Variants in MFGE8 observed in about 807,000 individuals in gnomAD.
MFGE8 encodes lactadherin.
A neutral mutation model predicts 42.6 loss-of-function variants in MFGE8; 34 were observed. That is an observed-to-expected ratio of 0.80 (90% CI 0.61 to 1.06). The LOEUF is 1.06. Among genes scored for constraint, MFGE8 ranks in the 50% least tolerant of loss-of-function variants. MFGE8 has a pLI of 0.00. For synonymous variants in MFGE8, 230 were observed against 214.8 expected (o/e 1.07, Z -0.62); for missense variants, 510 against 516.9 (o/e 0.99, Z 0.13).
In MFGE8 at chr15:88,903,372, T is replaced by C. The variant is rs1898519484; in HGVS notation, c.686-1637A>G. 1 of 151,608 alleles carries C rather than the reference T, an allele frequency of 6.6e-6. No homozygotes were observed. Among genetic ancestry groups the C allele is most frequent in the African/African-American group, 2.4e-5 (1 of 41,140 alleles). 9.4% of individuals were successfully genotyped at this position (151,608 alleles called of 1,614,324 possible). A position where few individuals can be genotyped will look rare whatever the true frequency, so the allele number is the denominator to read the frequency against. ...CAGTCTCCCCATCTATAAAATGAGA[T>C]ACTAGGGGAGTAATTCTCACAGATC... On this transcript the variant is annotated intron_variant, in intron 5 of 7. Transcript: ENST00000268150. The surrounding 1 kb of genome is among the most constrained non-coding windows in gnomAD (Gnocchi z 4.9).
intron 6 of MFGE8, chr15:88,900,738 TC>T (rs1411748917): frequency 1.9e-5 from 19 of 985,314 alleles, no homozygotes; most frequent in Non-Finnish European, 3.6e-6. Context: ...GCTCCGGTTT[TC>T]CATGGCTCTC....
chr15:88,905,608 C>T lies in MFGE8; in HGVS notation c.685+149G>A. 1 of 1,046,738 alleles carries T rather than the reference C, an allele frequency of 9.6e-7. No homozygotes were observed. Among genetic ancestry groups the T allele is most frequent in the East Asian group, 2.6e-5 (1 of 39,106 alleles). 64.8% of individuals were successfully genotyped at this position (1,046,738 alleles called of 1,614,324 possible). ...GTGGGGCTGCTATGGCCAGGTGACCCCCTAGAGTGCGTTGCCCGAGTGAAG... is the reference window on the plus strand; with the variant it reads ...GTGGGGCTGCTATGGCCAGGTGACCTCCTAGAGTGCGTTGCCCGAGTGAAG... On this transcript the variant is annotated intron_variant, in intron 5 of 7. Coordinates refer to ENST00000268150, the MANE Select transcript of MFGE8 (RefSeq NM_005928.4). This position sits in a 1 kb window ranked among gnomAD's most constrained non-coding sequence, Gnocchi z 6.6.
At chr15:88,912,011 G>T in intron 1 of MFGE8, 3 of 798,706 alleles carry the variant, frequency 3.8e-6, no homozygotes, top group Non-Finnish European at 5.5e-6. Flanking sequence ...CTTGGGTTGG[G>T]AATGGACTCT....
rs1011116343 is a variant in MFGE8 at position 88,899,299 on chromosome 15, C to T, written c.*96G>A. On this transcript the variant is annotated 3_prime_UTR_variant, in exon 8 of 8. Coordinates refer to ENST00000268150, the MANE Select transcript of MFGE8 (RefSeq NM_005928.4). The surrounding 1 kb of genome is among the most constrained non-coding windows in gnomAD (Gnocchi z 6.8). Reference sequence around the variant, plus strand: ...GCTGCCTCTGAACACCCTCCCCTTCCCCAGTCCCCAGCCCTATGGTGATTT... The same window carrying T: ...GCTGCCTCTGAACACCCTCCCCTTCTCCAGTCCCCAGCCCTATGGTGATTT... The T allele has an allele frequency of 1.1e-5, 17 of 1,551,046 alleles. No homozygotes were observed. The highest frequency in any genetic ancestry group is 1.5e-5 in the Non-Finnish European group (17 of 1,140,532).
Position 88,906,487 on chromosome 15 carries a change from A to T in MFGE8, c.540+139T>A. ...ACACAGTCTGGGTTTCCCAATTTCTAGAAGCCAAGATGCACCCGAAGACCC... is the reference window on the plus strand; with the variant it reads ...ACACAGTCTGGGTTTCCCAATTTCTTGAAGCCAAGATGCACCCGAAGACCC... On this transcript the variant is annotated intron_variant, in intron 4 of 7. Transcript: ENST00000268150. This position sits in a 1 kb window ranked among gnomAD's most constrained non-coding sequence, Gnocchi z 4.2. 1.0e-6 allele frequency: 1 copy of T among 972,036 alleles called. No homozygotes were observed. The highest frequency in any genetic ancestry group is 1.6e-6 in the Non-Finnish European group (1 of 607,872). The allele number at this position is 972,036 out of a possible 1,614,324, so 60.2% of individuals were successfully genotyped here.
At position 88,905,905 on chromosome 15, in the gene MFGE8, G is replaced by A. The variant is rs1250820155; in HGVS notation, c.541-4C>T. The A allele has an allele frequency of 1.9e-6, 3 of 1,614,036 alleles. No individual in the cohort carries two copies. Among genetic ancestry groups the A allele is most frequent in the South Asian group, 2.2e-5 (2 of 91,088 alleles). On this transcript the variant is annotated splice_region_variant and splice_polypyrimidine_tract_variant and intron_variant, in intron 4 of 7. Transcript: ENST00000268150. The surrounding 1 kb of genome is among the most constrained non-coding windows in gnomAD (Gnocchi z 6.6). ...TGTTCCAGTTACCCACAAACTCCTAGCAGGGAAGGGACAAGACTGGAGAAG... is the reference window on the plus strand; with the variant it reads ...TGTTCCAGTTACCCACAAACTCCTAACAGGGAAGGGACAAGACTGGAGAAG...
chr15:88,902,196 A>C lies in MFGE8; in HGVS notation c.686-461T>G. On this transcript the variant is annotated intron_variant, in intron 5 of 7. Coordinates refer to ENST00000268150, the MANE Select transcript of MFGE8 (RefSeq NM_005928.4). This position sits in a 1 kb window ranked among gnomAD's most constrained non-coding sequence, Gnocchi z 4.3. ...GTCACTATCTACTTTAATAACAACCACATTGTTTATTCAGTGCTTACTTCA... is the reference window on the plus strand; with the variant it reads ...GTCACTATCTACTTTAATAACAACCCCATTGTTTATTCAGTGCTTACTTCA... 5.5e-6 allele frequency: 1 copy of C among 182,114 alleles called. No individual in the cohort carries two copies. Among genetic ancestry groups the C allele is most frequent in the Admixed American group, 5.5e-5 (1 of 18,280 alleles). 11.3% of individuals were successfully genotyped at this position (182,114 alleles called of 1,614,324 possible). A position where few individuals can be genotyped will look rare whatever the true frequency, so the allele number is the denominator to read the frequency against.
chr15:88,911,090 G>A (rs1451975984), intron 1 of MFGE8: 1 of 152,314 alleles, frequency 6.6e-6, no homozygotes, highest in Non-Finnish European at 1.5e-5. Context: ...CTGAAATGCA[G>A]AAATCCCACT....
In MFGE8 at chr15:88,905,530, C is replaced by G; in HGVS notation, c.685+227G>C. On this transcript the variant is annotated intron_variant, in intron 5 of 7. Transcript: ENST00000268150. The surrounding 1 kb of genome is among the most constrained non-coding windows in gnomAD (Gnocchi z 6.6). Reference sequence around the variant, plus strand: ...ATACTTTGAAAACTGATGTCTTTTTCTCTATCAATCAGAATGCCCTGGGTC... The same window carrying G: ...ATACTTTGAAAACTGATGTCTTTTTGTCTATCAATCAGAATGCCCTGGGTC... 1 of 697,822 alleles carries G rather than the reference C, an allele frequency of 1.4e-6. No individual in the cohort carries two copies. The highest frequency in any genetic ancestry group is 2.0e-5 in the Admixed American group (1 of 49,672). 43.2% of individuals were successfully genotyped at this position (697,822 alleles called of 1,614,324 possible).
At chr15:88,900,975 T>TCC (rs1567213920) in intron 6 of MFGE8, among the ~76,000 whole-genome samples, 1 of 75,692 alleles carries the variant, frequency 1.3e-5, no homozygotes, top group Non-Finnish European at 3.3e-5. Context: ...ACACACACAT[T>TCC]CACACACACA....
chr15:88,911,437 C>T (rs1372381948), intron 1 of MFGE8, among the ~76,000 whole-genome samples: 1 of 152,132 alleles, frequency 6.6e-6, no homozygotes, highest in African/African-American at 2.4e-5. Flanking sequence ...CATCTTTTTG[C>T]CTTGGCCGGG....
In MFGE8 at chr15:88,907,424, G is replaced by T. The variant is rs369985882; in HGVS notation, c.206-48C>A. 6 of 1,555,266 alleles carry T rather than the reference G, an allele frequency of 3.9e-6. No homozygotes were observed. In the African/African-American group the frequency reaches 6.8e-5, roughly 18 times the overall value. ...CAGGTGGCTACCCCAGCAGGTTCCC[G>T]GGCCCAGCTGGGACCCAGCGGACAA... On this transcript the variant is annotated intron_variant, in intron 2 of 7. Transcript: ENST00000268150.
chr15:88,911,268 G>A (rs896503519), intron 1 of MFGE8, among the ~76,000 whole-genome samples: 4 of 152,196 alleles, frequency 2.6e-5, no homozygotes. Context: ...AGCCCCGGTG[G>A]TGGAGAACAC....
At chr15:88,909,179 A>G (rs1349327484) in intron 2 of MFGE8, among the ~76,000 whole-genome samples, 1 of 152,308 alleles carries the variant, frequency 6.6e-6, no homozygotes, top group East Asian at 1.9e-4. Flanking sequence ...ACCTAGGGCC[A>G]TTCTGTGGCC....
chr15:88,899,378 G>A lies in MFGE8; in HGVS notation c.*17C>T. 1.9e-6 allele frequency: 3 copies of A among 1,613,810 alleles called. No individual in the cohort carries two copies. Among genetic ancestry groups the A allele is most frequent in the African/African-American group, 2.7e-5 (2 of 75,048 alleles). ...GGCCCATGGAAAGCAGGAAGACCTG[G>A]GGGTGGCAGGTGGCCACTAACAGCC... On this transcript the variant is annotated 3_prime_UTR_variant, in exon 8 of 8. Transcript: ENST00000268150. This position sits in a 1 kb window ranked among gnomAD's most constrained non-coding sequence, Gnocchi z 6.8.
Position 88,899,963 on chromosome 15 carries a change from C to A in MFGE8, c.871-152G>T. ...GCTATAAAATGGGCATAAGGCCGGA[C>A]ATGGTGTCTCATGCCTATAATCCCA... On this transcript the variant is annotated intron_variant, in intron 6 of 7. Coordinates refer to ENST00000268150, the MANE Select transcript of MFGE8 (RefSeq NM_005928.4). The surrounding 1 kb of genome is among the most constrained non-coding windows in gnomAD (Gnocchi z 6.8). The A allele has an allele frequency of 2.3e-6, 2 of 861,876 alleles. No homozygotes were observed. The highest frequency in any genetic ancestry group is 1.5e-5 in the South Asian group (1 of 68,334). 53.4% of individuals were successfully genotyped at this position (861,876 alleles called of 1,614,324 possible).
intron 5 of MFGE8, chr15:88,904,558 A>G (rs1898578287): frequency 6.6e-6 from 1 of 152,282 alleles, no homozygotes; most frequent in Non-Finnish European, 1.5e-5. Context: ...TCAAGCCAAA[A>G]CAGCAAGTGT....
chr15:88,909,149 G>A (rs1252885476), intron 2 of MFGE8, among the ~76,000 whole-genome samples: 1 of 152,198 alleles, frequency 6.6e-6, no homozygotes, highest in African/African-American at 2.4e-5. Context: ...GGACAGCAGG[G>A]GAACTGCTGT....
chr15:88,900,867 T>A (rs1483317863), intron 6 of MFGE8: 4 of 494,734 alleles, frequency 8.1e-6, no homozygotes, highest in Non-Finnish European at 1.0e-5. Flanking sequence ...CTGGGTCATG[T>A]CTCCCTCTTC....
Sources: allele counts gnomAD v4.1 joint callset (sites outside exome capture counted in the v4.1 genomes callset), GRCh38; gene constraint gnomAD v4.1.1; non-coding constraint Gnocchi (gnomAD v3.1); transcripts MANE v1.5; gene names NCBI Gene and HGNC (gene_info 2026-07-23, HGNC 2026-07-21).